The following NINL variants were observed in gnomAD, a reference collection of about 807,000 sequenced individuals.
NINL encodes ninein-like protein.
A neutral mutation model predicts 160.3 loss-of-function variants in NINL; 153 were observed. The ratio of observed to expected loss-of-function variants is 0.95; its 90% CI spans 0.84 to 1.09. The LOEUF is 1.09. NINL is among the 50% of genes least tolerant of loss of function. The probability of loss-of-function intolerance (pLI) is 0.00; values close to 1 mark genes in which losing one functional copy is unlikely to be tolerated. For synonymous variants in NINL, 800 were observed against 734.8 expected (o/e 1.09, Z -1.43); for missense variants, 1,829 against 1,764.0 (o/e 1.04, Z -0.66).
chr20:25,481,023 G>A (rs1180409860), intron 14 of NINL, among the ~76,000 whole-genome samples: 1 of 152,168 alleles, frequency 6.6e-6, no homozygotes, highest in Non-Finnish European at 1.5e-5. Context: ...GCAGGGGAGG[G>A]GGTGCCTTAG....
At chr20:25,502,531 TTGGCAACTGATA>T in intron 7 of NINL, among the ~76,000 whole-genome samples, 1 of 152,284 alleles carries the variant, frequency 6.6e-6, no homozygotes, top group East Asian at 1.9e-4. Flanking sequence ...GATGGATCCT[TTGGCAACTGATA>T]TGGCTTAGAT....
At chr20:25,572,287 G>A (rs1568973550) in intron 1 of NINL, among the ~76,000 whole-genome samples, 1 of 149,958 alleles carries the variant, frequency 6.7e-6, no homozygotes, top group Non-Finnish European at 1.5e-5. Context: ...AGGTTGAGGG[G>A]AAAAAAAACG....
In NINL at chr20:25,461,618, T is replaced by A. The variant is rs748239145; in HGVS notation, c.3600A>T (p.Lys1200Asn). ...SGQQQSDQIQ[K>N]LRVELECLNQ... ...TCAGGCATTCAAGTTCAACTCTAAG[T>A]TTTTGGATTTGGTCACTCTGTTTTT... Residue 1200 changes from lysine to asparagine, a missense_variant, in exon 21 of 24, where the codon AAA becomes AAT. Coordinates refer to ENST00000278886, the MANE Select transcript of NINL (RefSeq NM_025176.6). 3.7e-6 allele frequency: 6 copies of A among 1,612,216 alleles called. No homozygotes were observed. Among genetic ancestry groups the A allele is most frequent in the South Asian group, 1.1e-5 (1 of 90,920 alleles).
At position 25,491,479 on chromosome 20, in the gene NINL, C is replaced by G. The variant is rs1266246908; in HGVS notation, c.1357G>C (p.Glu453Gln). The G allele has an allele frequency of 1.2e-6, 2 of 1,614,064 alleles. No homozygotes were observed. Among genetic ancestry groups the G allele is most frequent in the East Asian group, 4.5e-5 (2 of 44,866 alleles). The change falls in exon 11 of 24, where the codon GAG becomes CAG. Residue 453 changes from glutamate (E) to glutamine (Q), a missense_variant. Physicochemically the swap from Glu to Gln is conservative, Grantham distance 29. Transcript: ENST00000278886. ...YRERLSLLRS[E>Q]VEAERELFWE... Reference sequence around the variant, plus strand: ...AACAGCTCTCGCTCCGCCTCCACCTCAGACCGCAGGAGGCTCAGCCTTTCC... The same window carrying G: ...AACAGCTCTCGCTCCGCCTCCACCTGAGACCGCAGGAGGCTCAGCCTTTCC...
At position 25,504,045 on chromosome 20, in the gene NINL, C is replaced by T. The variant is rs1366134436; in HGVS notation, c.768G>A (p.Glu256=). The T allele has an allele frequency of 6.2e-7, 1 of 1,610,102 alleles. No individual in the cohort carries two copies. The highest frequency in any genetic ancestry group is 1.7e-5 in the Admixed American group (1 of 59,134). ...GACTGAAGAGGCCAAGCTGGAATTC[C>T]TCAAGACTCACTTTGCCGTCTCCGT... is the stretch of plus-strand genomic sequence containing the variant. ...DQDGDGKVSL[E]EFQLGLFSHE... is the part of the protein sequence containing the mutation. The change falls in exon 7 of 24, where the codon GAG becomes GAA. Residue 256 remains glutamate (E), a synonymous_variant. Coordinates refer to ENST00000278886, the MANE Select transcript of NINL (RefSeq NM_025176.6).
At chr20:25,541,027 A>C (rs1395526400) in intron 1 of NINL, among the ~76,000 whole-genome samples, 1 of 151,938 alleles carries the variant, frequency 6.6e-6, no homozygotes, top group Admixed American at 6.6e-5. Flanking sequence ...TTAAGTGTTA[A>C]TACTTACTTT....
At chr20:25,573,036 C>A (rs1487519143) in intron 1 of NINL, among the ~76,000 whole-genome samples, 1 of 152,148 alleles carries the variant, frequency 6.6e-6, no homozygotes, top group African/African-American at 2.4e-5. Flanking sequence ...GTGGCTCACA[C>A]CTGTAATCTC....
At chr20:25,570,693 A>AATTTTTTTTTTTTTTTT (rs1423732606) in intron 1 of NINL, among the ~76,000 whole-genome samples, 1 of 74,102 alleles carries the variant, frequency 1.3e-5, no homozygotes. Context: ...GGGCAAGTAG[A>AATTTTTTTTTTTTTTTT]CTTTTTTTTT....
chr20:25,567,981 G>A (rs1361250534), intron 1 of NINL, among the ~76,000 whole-genome samples: 3 of 151,668 alleles, frequency 2.0e-5, no homozygotes, highest in Admixed American at 6.6e-5. Context: ...TAGAAAAGAA[G>A]GGCTTGAATC....
At chr20:25,480,344 T>G in intron 14 of NINL, 77 bp from the exon 15 acceptor site, 1 of 1,151,784 alleles carries the variant, frequency 8.7e-7, no homozygotes. Flanking sequence ...CAATCTGATA[T>G]TTTGGCATTG....
At chr20:25,474,154 T>C (rs774307348) in intron 17 of NINL, among the ~76,000 whole-genome samples, 6 of 152,158 alleles carry the variant, frequency 3.9e-5, no homozygotes, top group Non-Finnish European at 7.3e-5. Flanking sequence ...GAGTCAGTGT[T>C]GGAGTAAGGT....
intron 1 of NINL, among the ~76,000 whole-genome samples, chr20:25,575,738 T>G (rs1228669762): frequency 3.3e-5 from 5 of 149,594 alleles, no homozygotes; most frequent in Non-Finnish European, 5.9e-5. Flanking sequence ...GAGCAAGTAC[T>G]CAGTCTCAAA....
intron 1 of NINL, among the ~76,000 whole-genome samples, chr20:25,578,235 G>A (rs780489139): frequency 7.3e-5 from 11 of 151,656 alleles, no homozygotes; most frequent in African/African-American, 1.7e-4. Context: ...AGCCTCTGGC[G>A]TAGCTGGGAT....
At chr20:25,510,581 CT>C (rs1286746578) in intron 5 of NINL, 92 bp downstream of exon 5, 18 of 1,112,022 alleles carry the variant, frequency 1.6e-5, no homozygotes, top group Non-Finnish European at 2.3e-5. Context: ...GGAAATTAAA[CT>C]TGTGGTTGCA....
chr20:25,552,879 G>A (rs1568962212), intron 1 of NINL, among the ~76,000 whole-genome samples: 2 of 152,236 alleles, frequency 1.3e-5, no homozygotes, highest in African/African-American at 4.8e-5. Context: ...TAAACACACC[G>A]GGTTACTCAG....
At chr20:25,534,149 T>C (rs1005797367) in intron 1 of NINL, among the ~76,000 whole-genome samples, 1 of 152,290 alleles carries the variant, frequency 6.6e-6, no homozygotes, top group African/African-American at 2.4e-5. Context: ...ACTGCAACCT[T>C]GGCCTTATCA....
chr20:25,500,874 T>A lies in NINL; in HGVS notation c.998A>T (p.Gln333Leu). ...CTCCCTGCCATTCTGAATCCCCTCC[T>A]GGGTCCACATGGCCAGGACCTGATC... ...FPDQVLAMWT[Q>L]EGIQNGREIL... Residue 333 changes from glutamine to leucine, a missense_variant, in exon 8 of 24, where the codon CAG (glutamine) becomes CTG (leucine). Physicochemically the swap from Gln to Leu is moderately radical, Grantham distance 113. Transcript: ENST00000278886. 1 of 1,614,160 alleles carries A rather than the reference T, an allele frequency of 6.2e-7. No individual in the cohort carries two copies. The highest frequency in any genetic ancestry group is 8.5e-7 in the Non-Finnish European group (1 of 1,180,016).
At chr20:25,539,263 G>C (rs537766699) in intron 1 of NINL, among the ~76,000 whole-genome samples, 1 of 152,204 alleles carries the variant, frequency 6.6e-6, no homozygotes, top group Non-Finnish European at 1.5e-5. Context: ...TCACAGCAGC[G>C]GGATCTTCCT....
intron 8 of NINL, among the ~76,000 whole-genome samples, chr20:25,500,049 C>T (rs2063837507): frequency 6.6e-6 from 1 of 151,444 alleles, no homozygotes; most frequent in Non-Finnish European, 1.5e-5. Context: ...CAACAGCTGT[C>T]GCCCCCTCCA....
Sources: allele counts gnomAD v4.1 joint callset (sites outside exome capture counted in the v4.1 genomes callset), GRCh38; gene constraint gnomAD v4.1.1; transcripts MANE v1.5; gene names NCBI Gene and HGNC (gene_info 2026-07-23, HGNC 2026-07-21).